INSC: variants seen among roughly 807,000 people sequenced by gnomAD.
INSC encodes the protein INSC spindle orientation adaptor protein.
In INSC, 67 loss-of-function variants were observed where a neutral mutation model predicts 58.6. The observed-to-expected ratio is 1.14, with a 90% CI of 0.94 to 1.40. The LOEUF is 1.40. Ranked by LOEUF, INSC falls within the 40% of genes most tolerant of loss-of-function variation. The pLI is 0.00. For missense variants in INSC, 714 were observed against 692.0 expected, an observed-to-expected ratio of 1.03 and a Z score of -0.36; for synonymous variants, 262 against 276.1, an observed-to-expected ratio of 0.95 and a Z score of 0.51.
chr11:15,199,356 T>C (rs1201446269), intron 6 of INSC, among the ~76,000 whole-genome samples: 1 of 152,110 alleles, frequency 6.6e-6, no homozygotes, highest in Non-Finnish European at 1.5e-5. Context: ...TCCTCCAGAG[T>C]TGGATATCTT....
At chr11:15,254,222 CTT>C in the INSC span, among the ~76,000 whole-genome samples, 1,681 of 152,256 alleles carry the variant, frequency 0.011, 15 homozygotes, top group Middle Eastern at 0.048. Context: ...ATCCATATCT[CTT>C]TGACTTTAGA....
chr11:15,214,524 C>T (rs1851142627), intron 7 of INSC, among the ~76,000 whole-genome samples: 2 of 152,274 alleles, frequency 1.3e-5, no homozygotes, highest in South Asian at 2.1e-4. Flanking sequence ...TGTATATTAG[C>T]CTGTGTCCTT....
chr11:15,210,505 T>TTGTGTGTGTGTGTGTG (rs56375160), intron 7 of INSC, among the ~76,000 whole-genome samples: 35 of 135,462 alleles, frequency 2.6e-4, no homozygotes, highest in Non-Finnish European at 3.0e-4. Context: ...ATTTGAGAGT[T>TTGTGTGTGTGTGTGTG]TGTGTGTGTG....
chr11:15,183,350 TCA>T (rs1849847184), intron 5 of INSC, among the ~76,000 whole-genome samples: 1 of 60,698 alleles, frequency 1.6e-5, no homozygotes. Context: ...AAACTCCATC[TCA>T]AAAAAAAAAA....
intron 2 of INSC, among the ~76,000 whole-genome samples, chr11:15,168,023 C>T (rs188023800): frequency 5.1e-4 from 78 of 152,266 alleles, no homozygotes; most frequent in African/African-American, 1.8e-3. Flanking sequence ...CCCATAGCAG[C>T]CCCAAGTTGT....
intron 9 of INSC, among the ~76,000 whole-genome samples, chr11:15,233,715 C>CT: frequency 7.5e-6 from 1 of 133,654 alleles, no homozygotes; most frequent in East Asian, 2.1e-4. Context: ...CTTCCTTTAC[C>CT]TCCCTTCCTC....
intron 12 of INSC, among the ~76,000 whole-genome samples, chr11:15,242,138 C>T (rs1347663247): frequency 1.3e-5 from 2 of 152,206 alleles, no homozygotes; most frequent in African/African-American, 4.8e-5. Context: ...AGGAAATTAA[C>T]ATGTAATGAT....
chr11:15,247,733 G>GTATATATATATATATATATATATATA (rs57312382), downstream of INSC, among the ~76,000 whole-genome samples: 668 of 127,240 alleles, frequency 5.2e-3, 13 homozygotes, highest in Middle Eastern at 8.3e-3. Context: ...TAGAAATAAG[G>GTATATATATATATATATATATATATA]TATATATATA....
At chr11:15,142,742 T>C (rs1848400362) in intron 1 of INSC, among the ~76,000 whole-genome samples, 1 of 151,400 alleles carries the variant, frequency 6.6e-6, no homozygotes. Flanking sequence ...CTGCAAGAAC[T>C]CAGGAGGGAC....
At position 15,174,253 on chromosome 11, in the gene INSC, C is replaced by T; in HGVS notation, c.57-1488C>T. Among the ~76,000 whole-genome samples the T allele has an allele frequency of 1.3e-5, 2 of 152,176 alleles. 1 individual carries two copies. The highest frequency in any genetic ancestry group is 1.3e-4 in the Admixed American group (2 of 15,280). On this transcript the variant is annotated intron_variant, in intron 2 of 12. Transcript: ENST00000379556. ...ACATGGCATCCTTCGTCGTGTGCTT[C>T]AAGTCTTTGCTCAAGTGTCTCTTTC...
chr11:15,221,355 G>T (rs139260090), intron 7 of INSC, 122 bp from the exon 8 acceptor site: 16 of 1,182,752 alleles, frequency 1.4e-5, no homozygotes, highest in Middle Eastern at 2.0e-4. Context: ...GTCCTGGGCT[G>T]TTCTGGGAAG....
At chr11:15,171,314 C>T (rs1049072724) in intron 2 of INSC, among the ~76,000 whole-genome samples, 1 of 152,110 alleles carries the variant, frequency 6.6e-6, no homozygotes, top group Admixed American at 6.5e-5. Context: ...CCAGTCCTAG[C>T]CATCCCTACC....
intron 1 of INSC, among the ~76,000 whole-genome samples, chr11:15,125,868 C>T (rs913989544): frequency 6.6e-6 from 1 of 152,010 alleles, no homozygotes; most frequent in Non-Finnish European, 1.5e-5. Flanking sequence ...TTTAGGAGCC[C>T]TATGGGCTGG....
intron 2 of INSC, among the ~76,000 whole-genome samples, chr11:15,157,167 A>G (rs909371874): frequency 2.0e-5 from 3 of 152,160 alleles, no homozygotes; most frequent in Non-Finnish European, 4.4e-5. Flanking sequence ...ACTGTCTTGG[A>G]TGCCCTTCTT....
downstream of INSC, among the ~76,000 whole-genome samples, chr11:15,252,139 T>C (rs142862225): frequency 1.1e-3 from 170 of 152,314 alleles, 2 homozygotes; most frequent in African/African-American, 3.6e-3. Context: ...AGGCAACATA[T>C]TGTATTGTTC....
intron 5 of INSC, among the ~76,000 whole-genome samples, chr11:15,181,939 G>A (rs1424236491): frequency 6.6e-6 from 1 of 152,024 alleles, no homozygotes; most frequent in East Asian, 1.9e-4. Flanking sequence ...AAATTCTCAG[G>A]TTAGTACAAT....
chr11:15,113,407 C>T (rs1213442328), upstream of INSC, among the ~76,000 whole-genome samples: 2 of 152,146 alleles, frequency 1.3e-5, no homozygotes, highest in African/African-American at 4.8e-5. Flanking sequence ...GATCTATCCA[C>T]CTTGGCCTCC....
chr11:15,214,337 G>C (rs559542004), intron 7 of INSC, among the ~76,000 whole-genome samples: 1 of 152,300 alleles, frequency 6.6e-6, no homozygotes, highest in South Asian at 2.1e-4. Flanking sequence ...TCACTCTCCT[G>C]CTCCTATGGC....
chr11:15,209,579 C>T (rs1850941375), intron 7 of INSC, among the ~76,000 whole-genome samples: 1 of 152,172 alleles, frequency 6.6e-6, no homozygotes, highest in Non-Finnish European at 1.5e-5. Flanking sequence ...TGCCTGACCT[C>T]AAACCTCTGC....
Sources: allele counts gnomAD v4.1 joint callset (sites outside exome capture counted in the v4.1 genomes callset), GRCh38; gene constraint gnomAD v4.1.1; transcripts MANE v1.5; gene names NCBI Gene and HGNC (gene_info 2026-07-23, HGNC 2026-07-21).